The following TMEM178B variants were observed in gnomAD, a reference collection of about 807,000 sequenced individuals.
TMEM178B encodes transmembrane protein 178B.
TMEM178B carries 5 observed loss-of-function variants against 31.0 expected under a neutral mutation model. The ratio of observed to expected loss-of-function variants is 0.16; its 90% CI spans 0.08 to 0.34. TMEM178B has a LOEUF of 0.34. TMEM178B is among the 10% of genes least tolerant of loss of function. TMEM178B has a pLI of 1.00. For missense variants in TMEM178B, 275 were observed against 400.3 expected (o/e 0.69, Z 2.67); for synonymous variants, 164 against 164.0 (o/e 1.00, Z 0.00).
intron 2 of TMEM178B, among the ~76,000 whole-genome samples, chr7:141,309,295 G>C (rs1006209571): frequency 7.2e-5 from 11 of 151,888 alleles, no homozygotes; most frequent in African/African-American, 2.7e-4. Flanking sequence ...TTTATATATT[G>C]TCTCGTGTTC....
intron 2 of TMEM178B, among the ~76,000 whole-genome samples, chr7:141,251,455 A>G (rs1013238157): frequency 3.9e-5 from 6 of 152,010 alleles, no homozygotes; most frequent in Non-Finnish European, 7.4e-5. Context: ...AGAAAGAGCA[A>G]TGTACCCTCA....
intron 2 of TMEM178B, among the ~76,000 whole-genome samples, chr7:141,356,306 A>G (rs1799816837): frequency 6.6e-6 from 1 of 151,980 alleles, no homozygotes. Flanking sequence ...TGCTTTCCAC[A>G]GTGACTGAAC....
chr7:141,097,659 AAT>A (rs1397947621), intron 1 of TMEM178B, among the ~76,000 whole-genome samples: 3 of 152,048 alleles, frequency 2.0e-5, no homozygotes, highest in Non-Finnish European at 4.4e-5. Context: ...TCAAGTGCTA[AAT>A]TTGCAAACTT....
chr7:141,161,133 G>C (rs1302062075), intron 1 of TMEM178B, among the ~76,000 whole-genome samples: 3 of 152,214 alleles, frequency 2.0e-5, no homozygotes, highest in African/African-American at 7.2e-5. Context: ...GGGATTACAG[G>C]CACGAACCAC....
At chr7:141,315,976 T>A (rs1054813693) in intron 2 of TMEM178B, among the ~76,000 whole-genome samples, 2 of 152,198 alleles carry the variant, frequency 1.3e-5, no homozygotes, top group Non-Finnish European at 2.9e-5. Flanking sequence ...TTATGTATGA[T>A]TGACAGCTGA....
intron 1 of TMEM178B, among the ~76,000 whole-genome samples, chr7:141,081,697 A>T (rs1000585422): frequency 2.6e-5 from 4 of 152,210 alleles, no homozygotes; most frequent in African/African-American, 9.6e-5. Flanking sequence ...TAAAAGAATT[A>T]AAAAGTATAT....
intron 1 of TMEM178B, among the ~76,000 whole-genome samples, chr7:141,084,609 TAGAG>T (rs1254318051): frequency 6.6e-6 from 1 of 152,146 alleles, no homozygotes; most frequent in East Asian, 1.9e-4. Context: ...AAGATGTTCT[TAGAG>T]AGAGATTTGT....
At position 141,074,490 on chromosome 7, in the gene TMEM178B, C is replaced by T. The variant is rs1305069425; in HGVS notation, c.180C>T (p.Asn60=). 3 of 1,536,068 alleles carry T rather than the reference C, an allele frequency of 2.0e-6. No individual in the cohort carries two copies. The South Asian group carries it at 3.6e-5, about 18-fold the overall frequency. The change falls in exon 1 of 4, where the codon AAC becomes AAT. Residue 60 remains asparagine (N), a synonymous_variant. Transcript: ENST00000565468. The surrounding 1 kb of genome is among the most constrained non-coding windows in gnomAD (Gnocchi z 5.1). ...ACCCCGGCTTCATTTACAACAATAACAACAACTTGCCGCTCCGGGCGAGCC... is the reference window on the plus strand; with the variant it reads ...ACCCCGGCTTCATTTACAACAATAATAACAACTTGCCGCTCCGGGCGAGCC... ...RVDPGFIYNN[N]NNLPLRASRS...
At chr7:141,113,064 C>G (rs1234415763) in intron 1 of TMEM178B, among the ~76,000 whole-genome samples, 1 of 152,156 alleles carries the variant, frequency 6.6e-6, no homozygotes, top group East Asian at 1.9e-4. Context: ...AGCTGTCTAA[C>G]AATTCAGAGA....
chr7:141,268,871 A>C (rs1267810803), intron 2 of TMEM178B, among the ~76,000 whole-genome samples: 2 of 152,208 alleles, frequency 1.3e-5, no homozygotes, highest in African/African-American at 4.8e-5. Context: ...GCCAAAGAGC[A>C]ATAACACCTG....
At chr7:141,205,453 C>G (rs1050404525) in intron 1 of TMEM178B, among the ~76,000 whole-genome samples, 6 of 152,134 alleles carry the variant, frequency 3.9e-5, no homozygotes, top group African/African-American at 1.4e-4. Context: ...TAGGGCCTTG[C>G]CTTTGCCTTC....
intron 1 of TMEM178B, among the ~76,000 whole-genome samples, chr7:141,088,305 G>A (rs955096059): frequency 2.6e-5 from 4 of 151,922 alleles, no homozygotes; most frequent in Non-Finnish European, 4.4e-5. Flanking sequence ...GCACTCCCAT[G>A]TGCTAGGTTT....
chr7:141,225,197 G>A lies in TMEM178B; in HGVS notation c.496+12493G>A, dbSNP rs993293726. On this transcript the variant is annotated intron_variant, in intron 2 of 3. Transcript: ENST00000565468. ...GCAAAATTCATGCTCTTTCCTTACC[G>A]CCAGGGAGCCCCACACATATCTCGT... 2.6e-5 allele frequency among the ~76,000 whole-genome samples: 4 copies of A among 152,138 alleles called. No homozygotes were observed. The East Asian group carries it at 5.8e-4, about 22-fold the overall frequency.
chr7:141,215,703 A>G (rs981440337), intron 2 of TMEM178B, among the ~76,000 whole-genome samples: 11 of 152,216 alleles, frequency 7.2e-5, no homozygotes, highest in Admixed American at 4.6e-4. Context: ...GCCAAAGGAA[A>G]GAAATTTGAT....
the TMEM178B span, among the ~76,000 whole-genome samples, chr7:141,494,690 G>A: frequency 2.0e-5 from 3 of 152,200 alleles, no homozygotes; most frequent in African/African-American, 7.2e-5. Flanking sequence ...GATCGCTTGA[G>A]CTCAGGAGTT....
intron 1 of TMEM178B, among the ~76,000 whole-genome samples, chr7:141,086,233 T>G (rs933098872): frequency 6.6e-6 from 1 of 152,146 alleles, no homozygotes; most frequent in Non-Finnish European, 1.5e-5. Flanking sequence ...GGTTTCACCA[T>G]GTTGGCCAGG....
chr7:141,233,701 T>A (rs746249427), intron 2 of TMEM178B, among the ~76,000 whole-genome samples: 4 of 152,202 alleles, frequency 2.6e-5, no homozygotes, highest in African/African-American at 4.8e-5. Context: ...GGACTTTTGC[T>A]GGTCAAAAGA....
chr7:141,408,003 A>C (rs918846637), intron 2 of TMEM178B, among the ~76,000 whole-genome samples: 2 of 152,302 alleles, frequency 1.3e-5, no homozygotes, highest in African/African-American at 4.8e-5. Context: ...CCAGAAAAGG[A>C]ATGGAGGACC....
At chr7:141,407,298 C>T (rs575912603) in intron 2 of TMEM178B, among the ~76,000 whole-genome samples, 102 of 152,338 alleles carry the variant, frequency 6.7e-4, no homozygotes, top group South Asian at 1.7e-3. Context: ...ATGTCTGCAG[C>T]AACCAAATAA....
Sources: allele counts gnomAD v4.1 joint callset (sites outside exome capture counted in the v4.1 genomes callset), GRCh38; gene constraint gnomAD v4.1.1; non-coding constraint Gnocchi (gnomAD v3.1); transcripts MANE v1.5; gene names NCBI Gene and HGNC (gene_info 2026-07-23, HGNC 2026-07-21).